ATP11A: variants seen among roughly 807,000 people sequenced by gnomAD.
The protein encoded by ATP11A is phospholipid-transporting ATPase IH.
Under a neutral mutation model 154.4 loss-of-function variants are expected in ATP11A, and 81 were observed. The observed-to-expected ratio is 0.52, with a 90% CI of 0.44 to 0.63. The LOEUF (loss-of-function observed/expected upper bound fraction) is 0.63. ATP11A is among the 30% of genes least tolerant of loss of function. The pLI, the probability that ATP11A is intolerant of heterozygous loss-of-function variation, is 0.00. For synonymous variants in ATP11A, 623 were observed against 585.9 expected, an observed-to-expected ratio of 1.06 and a Z score of -0.91; for missense variants, 1,316 against 1,474.3, an observed-to-expected ratio of 0.89 and a Z score of 1.76.
chr13:112,750,584 G>A (rs1175826925), intron 1 of ATP11A, among the ~76,000 whole-genome samples: 1 of 144,780 alleles, frequency 6.9e-6, no homozygotes, highest in Non-Finnish European at 1.5e-5. Flanking sequence ...TTCTGTCTTA[G>A]GGAAGGAGAG....
At chr13:112,762,661 C>T (rs746718126) in intron 1 of ATP11A, among the ~76,000 whole-genome samples, 2 of 152,216 alleles carry the variant, frequency 1.3e-5, no homozygotes, top group Non-Finnish European at 2.9e-5. Context: ...ACTCCCATGT[C>T]CCTGTGGTAA....
intron 16 of ATP11A, among the ~76,000 whole-genome samples, chr13:112,840,979 C>T (rs931028570): frequency 9.2e-5 from 14 of 152,246 alleles, no homozygotes; most frequent in Non-Finnish European, 1.2e-4. Context: ...GGCTCTGCCC[C>T]GCCAGGAGCT....
chr13:112,732,010 C>T (rs1417649441), intron 1 of ATP11A, among the ~76,000 whole-genome samples: 2 of 151,930 alleles, frequency 1.3e-5, no homozygotes, highest in Admixed American at 6.6e-5. Flanking sequence ...CCAGGTGAGA[C>T]AGTGGCCCGC....
intron 2 of ATP11A, among the ~76,000 whole-genome samples, chr13:112,796,758 C>T (rs553437740): frequency 3.2e-4 from 48 of 152,294 alleles, no homozygotes; most frequent in East Asian, 7.7e-4. Flanking sequence ...GAGATTGACG[C>T]GGTGTCAAAG....
intron 1 of ATP11A, among the ~76,000 whole-genome samples, chr13:112,771,918 C>G (rs779951084): frequency 6.6e-6 from 1 of 152,070 alleles, no homozygotes; most frequent in Non-Finnish European, 1.5e-5. Flanking sequence ...AAGCAGACAC[C>G]GGGAGCCCTG....
In ATP11A at chr13:112,740,597, C is replaced by T. The variant is rs77550453; in HGVS notation, c.40-44538C>T. Among the ~76,000 whole-genome samples the T allele has an allele frequency of 3.2e-3, 488 of 152,290 alleles. 2 individuals carry two copies. Among genetic ancestry groups the T allele is most frequent in the African/African-American group, 0.011 (466 of 41,556 alleles). ...TTTAGAGGGAGGTTTTAAAATGCAA[C>T]GTAGCCCAGGGCTCCAGAAAAAGAC... On this transcript the variant is annotated intron_variant, in intron 1 of 29. Coordinates refer to ENST00000375645, the MANE Select transcript of ATP11A (RefSeq NM_015205.3).
intron 25 of ATP11A, among the ~76,000 whole-genome samples, chr13:112,863,355 G>A (rs9549311): frequency 0.055 from 2,899 of 52,308 alleles, no homozygotes; most frequent in African/African-American, 0.12. Flanking sequence ...CACCACCTGC[G>A]CAGTAATTCA....
chr13:112,865,637 C>T (rs971815124), intron 25 of ATP11A, among the ~76,000 whole-genome samples: 15 of 152,354 alleles, frequency 9.8e-5, no homozygotes, highest in African/African-American at 3.6e-4. Flanking sequence ...GCAAGCTCCA[C>T]CTCCTGGGTT....
At chr13:112,870,524 A>G (rs1436276270) in intron 25 of ATP11A, among the ~76,000 whole-genome samples, 1 of 152,170 alleles carries the variant, frequency 6.6e-6, no homozygotes, top group Non-Finnish European at 1.5e-5. Context: ...GATTACAGGC[A>G]GGCGCCGCTA....
rs1210441517 is a variant in ATP11A at position 112,871,591 on chromosome 13, A to C, written c.2992-144A>C. On this transcript the variant is annotated intron_variant, in intron 25 of 29. Transcript: ENST00000375645. Reference sequence around the variant, plus strand: ...TTGCTGCATCTTCTTTTACGGGATAATAAGAAAATATAGTGCTTATATCTT... The same window carrying C: ...TTGCTGCATCTTCTTTTACGGGATACTAAGAAAATATAGTGCTTATATCTT... The C allele has an allele frequency of 6.7e-6, 5 of 746,602 alleles. No homozygotes were observed. In the African/African-American group the frequency reaches 8.7e-5, roughly 13 times the overall value. The allele number at this position is 746,602 out of a possible 1,614,324, so 46.2% of individuals were successfully genotyped here.
chr13:112,862,020 AG>A (rs2080120612), intron 24 of ATP11A, among the ~76,000 whole-genome samples: 1 of 94,672 alleles, frequency 1.1e-5, no homozygotes, highest in African/African-American at 3.3e-5. Flanking sequence ...AGCAGGCGTA[AG>A]GCGTCACGTC....
In ATP11A at chr13:112,696,312, C is replaced by G. The variant is rs1885795248; in HGVS notation, c.39+5857C>G. On this transcript the variant is annotated intron_variant, in intron 1 of 29. Transcript: ENST00000375645. The surrounding 1 kb of genome is among the most constrained non-coding windows in gnomAD (Gnocchi z 6.2). ...CACCTTGGGCTTTCCGGAACCTTCT[C>G]CCCGCACTCCTCTTCACGTGGAGAG... is the stretch of plus-strand genomic sequence containing the variant. Among the ~76,000 whole-genome samples the G allele has an allele frequency of 6.6e-6, 1 of 152,220 alleles. No individual in the cohort carries two copies. Among genetic ancestry groups the G allele is most frequent in the African/African-American group, 2.4e-5 (1 of 41,456 alleles).
At chr13:112,813,303 C>T (rs535026725) in intron 5 of ATP11A, among the ~76,000 whole-genome samples, 12 of 152,096 alleles carry the variant, frequency 7.9e-5, no homozygotes, top group African/African-American at 1.7e-4. Flanking sequence ...TCCATTTGCT[C>T]GGATGTGCTG....
intron 8 of ATP11A, among the ~76,000 whole-genome samples, chr13:112,822,901 A>G (rs2078835760): frequency 1.3e-5 from 2 of 152,154 alleles, no homozygotes; most frequent in Non-Finnish European, 2.9e-5. Context: ...GCCCCACCCC[A>G]GGGTTTCAGG....
At chr13:112,857,765 C>G in intron 20 of ATP11A, 53 bp from the exon 21 acceptor site, 1 of 1,426,122 alleles carries the variant, frequency 7.0e-7, no homozygotes, top group Non-Finnish European at 9.9e-7. Context: ...GAATGAATAA[C>G]CTGTTCAGAA....
chr13:112,841,834 C>A (rs1053735543), intron 16 of ATP11A, among the ~76,000 whole-genome samples: 3 of 152,250 alleles, frequency 2.0e-5, no homozygotes, highest in African/African-American at 7.2e-5. Context: ...AAACGTTTCC[C>A]CTGACTCTTC....
intron 1 of ATP11A, among the ~76,000 whole-genome samples, chr13:112,711,492 A>G (rs1887744420): frequency 6.6e-6 from 1 of 151,920 alleles, no homozygotes; most frequent in African/African-American, 2.4e-5. Flanking sequence ...GAGGAACCTG[A>G]GATCCAATTT....
At chr13:112,772,245 T>C (rs80021505) in intron 1 of ATP11A, among the ~76,000 whole-genome samples, 3,862 of 152,292 alleles carry the variant, frequency 0.025, 176 homozygotes, top group African/African-American at 0.088. Context: ...ACTTTAAAAA[T>C]GTTGCTGACA....
intron 12 of ATP11A, among the ~76,000 whole-genome samples, chr13:112,830,581 A>C (rs1166330981): frequency 6.6e-6 from 1 of 152,232 alleles, no homozygotes; most frequent in Non-Finnish European, 1.5e-5. Flanking sequence ...GTCTCAAAAA[A>C]AATAAATAAA....
Sources: allele counts gnomAD v4.1 joint callset (sites outside exome capture counted in the v4.1 genomes callset), GRCh38; gene constraint gnomAD v4.1.1; non-coding constraint Gnocchi (gnomAD v3.1); transcripts MANE v1.5; gene names NCBI Gene and HGNC (gene_info 2026-07-23, HGNC 2026-07-21).